GALNT2: variants seen among roughly 807,000 people sequenced by gnomAD.
GALNT2 encodes polypeptide N-acetylgalactosaminyltransferase 2, also known as UDP-GalNAc:polypeptide N-acetylgalactosaminyltransferase 2.
In GALNT2, 31 loss-of-function variants were observed where a neutral mutation model predicts 81.4. The ratio of observed to expected loss-of-function variants is 0.38; its 90% CI spans 0.29 to 0.51. The LOEUF (loss-of-function observed/expected upper bound fraction) is 0.51. GALNT2 is among the 20% of genes least tolerant of loss of function. The pLI, the probability that GALNT2 is intolerant of heterozygous loss-of-function variation, is 0.87. For missense variants in GALNT2, 629 were observed against 765.7 expected (o/e 0.82, Z 2.11); for synonymous variants, 303 against 287.4 (o/e 1.05, Z -0.55).
At chr1:230,255,518 G>A in intron 11 of GALNT2, 174 bp downstream of exon 11, 1 of 831,244 alleles carries the variant, frequency 1.2e-6, no homozygotes, top group Non-Finnish European at 1.9e-6. Context: ...TACAACCTGG[G>A]CGCCTTTCCA....
rs115272342 is a variant in GALNT2, at chr1:230,173,767, C to A, written c.127-4451C>A. ...CATACATTTGCATTCAGTACATTTC[C>A]ATTTTTGAGCGGCACTGATGCTAGT... On this transcript the variant is annotated intron_variant, in intron 1 of 15. Coordinates refer to ENST00000366672, the MANE Select transcript of GALNT2 (RefSeq NM_004481.5). 3.1e-3 allele frequency among the ~76,000 whole-genome samples: 468 copies of A among 152,342 alleles called. 3 individuals carry two copies. Among genetic ancestry groups the A allele is most frequent in the African/African-American group, 0.011 (450 of 41,572 alleles).
At chr1:230,221,309 T>C (rs1664539980) in intron 3 of GALNT2, among the ~76,000 whole-genome samples, 1 of 152,226 alleles carries the variant, frequency 6.6e-6, no homozygotes, top group South Asian at 2.1e-4. Flanking sequence ...TAGATTCTTT[T>C]CCTTTTTAAT....
chr1:230,185,860 A>C (rs1050280693), intron 2 of GALNT2, among the ~76,000 whole-genome samples: 8 of 152,166 alleles, frequency 5.3e-5, no homozygotes, highest in African/African-American at 1.9e-4. Flanking sequence ...GCTTGTCCAC[A>C]GTGAGCCTCC....
At chr1:230,107,205 C>G (rs2102785034) in intron 1 of GALNT2, among the ~76,000 whole-genome samples, 1 of 152,356 alleles carries the variant, frequency 6.6e-6, no homozygotes, top group Non-Finnish European at 1.5e-5. Flanking sequence ...CTGATGAATC[C>G]AGATGGTGAC....
At chr1:230,240,585 C>CT (rs1665171451) in intron 6 of GALNT2, among the ~76,000 whole-genome samples, 1 of 152,056 alleles carries the variant, frequency 6.6e-6, no homozygotes. Context: ...GGGTGAGACT[C>CT]TGTCTCAGAA....
intron 1 of GALNT2, among the ~76,000 whole-genome samples, chr1:230,077,554 A>G (rs1659601238): frequency 6.6e-6 from 1 of 152,198 alleles, no homozygotes; most frequent in South Asian, 2.1e-4. Flanking sequence ...CGAGACATCA[A>G]TTTTTCCATA....
intron 10 of GALNT2, among the ~76,000 whole-genome samples, chr1:230,250,997 C>G (rs963477829): frequency 6.6e-6 from 1 of 152,152 alleles, no homozygotes; most frequent in Non-Finnish European, 1.5e-5. Flanking sequence ...GGCACTTAAT[C>G]CCTTCTCGAC....
At chr1:230,254,569 G>A (rs894596425) in intron 10 of GALNT2, among the ~76,000 whole-genome samples, 3 of 152,186 alleles carry the variant, frequency 2.0e-5, no homozygotes, top group Admixed American at 6.5e-5. Context: ...ACTTGAGCCT[G>A]CTAATACACA....
intron 1 of GALNT2, among the ~76,000 whole-genome samples, chr1:230,112,334 A>G (rs1183541008): frequency 7.8e-6 from 1 of 128,068 alleles, no homozygotes; most frequent in African/African-American, 3.1e-5. Context: ...CAGCCTGCAC[A>G]TGGGGTGGGT....
chr1:230,157,982 T>C (rs1282876261), intron 1 of GALNT2, among the ~76,000 whole-genome samples: 3 of 152,206 alleles, frequency 2.0e-5, no homozygotes, highest in Non-Finnish European at 4.4e-5. Context: ...ATTATACTTT[T>C]AATTTAAAAG....
chr1:230,134,121 T>G (rs990171854), intron 1 of GALNT2, among the ~76,000 whole-genome samples: 11 of 151,490 alleles, frequency 7.3e-5, no homozygotes, highest in Non-Finnish European at 2.9e-5. Context: ...TGTTTTTTTT[T>G]TTTTTTTTGG....
At chr1:230,208,366 C>A (rs1441211875) in intron 3 of GALNT2, among the ~76,000 whole-genome samples, 1 of 152,090 alleles carries the variant, frequency 6.6e-6, no homozygotes, top group Admixed American at 6.5e-5. Flanking sequence ...CAAGGGAAGA[C>A]CTGCAGTCTC....
At position 230,279,973 on chromosome 1, in the gene GALNT2, C is replaced by T. The variant is rs1163651251; in HGVS notation, c.*515C>T. The T allele has an allele frequency of 6.6e-6, 3 of 456,216 alleles. No homozygotes were observed. Among genetic ancestry groups the T allele is most frequent in the Non-Finnish European group, 1.3e-5 (3 of 226,906 alleles). 28.3% of individuals were successfully genotyped at this position (456,216 alleles called of 1,614,324 possible). On this transcript the variant is annotated 3_prime_UTR_variant, in exon 16 of 16. Coordinates refer to ENST00000366672, the MANE Select transcript of GALNT2 (RefSeq NM_004481.5). The surrounding 1 kb of genome is among the most constrained non-coding windows in gnomAD (Gnocchi z 4.6). ...TAGTCCCTCTCTCTGCTCCTCCATT[C>T]GCAAGTGTCTTCCTGGGCCAGACTC...
chr1:230,188,083 A>G (rs531061679), intron 2 of GALNT2, among the ~76,000 whole-genome samples: 34 of 152,284 alleles, frequency 2.2e-4, no homozygotes, highest in Admixed American at 5.9e-4. Context: ...CCTACCCAGT[A>G]TTTCCCTGCC....
intron 1 of GALNT2, among the ~76,000 whole-genome samples, chr1:230,151,267 T>A (rs1662085740): frequency 6.6e-6 from 1 of 152,166 alleles, no homozygotes; most frequent in South Asian, 2.1e-4. Context: ...AGTGTCCCAG[T>A]AGAACGCACT....
chr1:230,243,409 C>T lies in GALNT2; in HGVS notation c.711C>T (p.Leu237=). The T allele has an allele frequency of 2.5e-6, 4 of 1,612,224 alleles. No individual in the cohort carries two copies. The highest frequency in any genetic ancestry group is 3.4e-6 in the Non-Finnish European group (4 of 1,179,844). The change falls in exon 7 of 16, where the codon CTC becomes CTT. Residue 237 remains leucine, a synonymous_variant. Coordinates refer to ENST00000366672, the MANE Select transcript of GALNT2 (RefSeq NM_004481.5). This position sits in a 1 kb window ranked among gnomAD's most constrained non-coding sequence, Gnocchi z 4.2. ...GTAATGAGCACTGGCTGGAGCCCCT[C>T]CTGGAAAGGGTGGCGGAGGTGAGAT... The part of the protein sequence containing the change: ...CECNEHWLEP[L]LERVAEDRTR...
chr1:230,221,431 C>T (rs560804615), intron 3 of GALNT2, among the ~76,000 whole-genome samples: 2 of 152,280 alleles, frequency 1.3e-5, no homozygotes, highest in South Asian at 4.1e-4. Flanking sequence ...CCAGAATTTA[C>T]TCAATATATT....
intron 1 of GALNT2, among the ~76,000 whole-genome samples, chr1:230,094,806 G>C (rs1186664450): frequency 6.6e-6 from 1 of 152,156 alleles, no homozygotes; most frequent in Non-Finnish European, 1.5e-5. Flanking sequence ...AATCTTCTTA[G>C]GTCCCTTGTG....
chr1:230,253,221 T>G (rs1033311646), intron 10 of GALNT2, among the ~76,000 whole-genome samples: 2 of 152,224 alleles, frequency 1.3e-5, no homozygotes, highest in Admixed American at 1.3e-4. Context: ...CTTATGTGAT[T>G]GTAACCATAC....
Sources: allele counts gnomAD v4.1 joint callset (sites outside exome capture counted in the v4.1 genomes callset), GRCh38; gene constraint gnomAD v4.1.1; non-coding constraint Gnocchi (gnomAD v3.1); transcripts MANE v1.5; gene names NCBI Gene and HGNC (gene_info 2026-07-23, HGNC 2026-07-21).